MYOF: variants seen among roughly 807,000 people sequenced by gnomAD.
MYOF encodes the protein fer-1-like 3, myoferlin.
MYOF carries 244 observed loss-of-function variants against 284.2 expected under a neutral mutation model. That is an observed-to-expected ratio of 0.86 (90% CI 0.77 to 0.95). The LOEUF is 0.95. Ranked by LOEUF, MYOF falls within the 40% of genes least tolerant of loss-of-function variation. MYOF has a pLI of 0.00. For missense variants in MYOF, 2,496 were observed against 2,560.6 expected (o/e 0.97, Z 0.54); for synonymous variants, 904 against 919.7 (o/e 0.98, Z 0.31).
intron 29 of MYOF, 40 bp from the exon 30 acceptor site, chr10:93,356,888 T>A (rs1361573776): frequency 6.4e-7 from 1 of 1,570,972 alleles, no homozygotes; most frequent in Non-Finnish European, 8.7e-7. Context: ...ACGATGATGA[T>A]GATGATATTC....
chr10:93,408,612 G>A (rs1001541620), intron 7 of MYOF, among the ~76,000 whole-genome samples, 175 bp downstream of exon 7: 1 of 151,748 alleles, frequency 6.6e-6, no homozygotes, highest in African/African-American at 2.4e-5. Context: ...TTACCATGAA[G>A]CTTAAACTCC....
Position 93,392,523 on chromosome 10 carries a change from A to T in MYOF, c.1456+394T>A, listed in dbSNP as rs369415498. On this transcript the variant is annotated intron_variant, in intron 17 of 53. Coordinates refer to ENST00000359263, the MANE Select transcript of MYOF (RefSeq NM_013451.4). ...GGGTGCAAAGTAAAAAACGTTCAGT[A>T]TTTTTCAACCTAGAGATTCACGTTG... Among the ~76,000 whole-genome samples the T allele has an allele frequency of 1.1e-3, 165 of 152,304 alleles. 1 individual carries two copies. The highest frequency in any genetic ancestry group is 3.8e-3 in the African/African-American group (158 of 41,556).
chr10:93,442,682 A>T (rs2056304671), intron 3 of MYOF, among the ~76,000 whole-genome samples: 1 of 152,228 alleles, frequency 6.6e-6, no homozygotes, highest in African/African-American at 2.4e-5. Flanking sequence ...GCACAAGTAC[A>T]TGTATTTGGA....
At chr10:93,330,395 C>T (rs1218503381) in intron 43 of MYOF, among the ~76,000 whole-genome samples, 3 of 152,168 alleles carry the variant, frequency 2.0e-5, no homozygotes, top group African/African-American at 7.2e-5. Flanking sequence ...TAGGTTCCCT[C>T]CTCTGCCTCA....
chr10:93,464,369 C>T (rs1395592496), intron 1 of MYOF, among the ~76,000 whole-genome samples: 1 of 152,216 alleles, frequency 6.6e-6, no homozygotes, highest in African/African-American at 2.4e-5. Context: ...CACATGCACA[C>T]ACATCCCATT....
chr10:93,308,307 G>A (rs943343053), intron 53 of MYOF, among the ~76,000 whole-genome samples: 2 of 151,202 alleles, frequency 1.3e-5, no homozygotes, highest in African/African-American at 4.9e-5. Context: ...GACTGGGACC[G>A]AATGTGGTGG....
At chr10:93,456,083 A>G (rs891171089) in intron 2 of MYOF, among the ~76,000 whole-genome samples, 1 of 152,256 alleles carries the variant, frequency 6.6e-6, no homozygotes, top group Admixed American at 6.5e-5. Flanking sequence ...AGTCATTAAA[A>G]TACTTTTGAA....
At chr10:93,434,909 G>A (rs963150047) in intron 3 of MYOF, among the ~76,000 whole-genome samples, 2 of 152,030 alleles carry the variant, frequency 1.3e-5, no homozygotes, top group African/African-American at 4.8e-5. Context: ...TCCAAACAAG[G>A]TGAAAGCCCC....
At chr10:93,309,796 T>C (rs1303728897) in intron 53 of MYOF, among the ~76,000 whole-genome samples, 1 of 152,136 alleles carries the variant, frequency 6.6e-6, no homozygotes, top group East Asian at 1.9e-4. Flanking sequence ...CCAAAGTTAT[T>C]TTCAGATCAT....
chr10:93,393,099 A>T (rs576547274), intron 16 of MYOF, 144 bp from the exon 17 acceptor site: 1 of 691,938 alleles, frequency 1.4e-6, no homozygotes, highest in South Asian at 1.7e-5. Flanking sequence ...GTCACATATG[A>T]CCCTTTTGTA....
chr10:93,445,240 A>C (rs183087680), intron 3 of MYOF, among the ~76,000 whole-genome samples: 1 of 152,266 alleles, frequency 6.6e-6, no homozygotes, highest in Admixed American at 6.5e-5. Flanking sequence ...AGATGAGCTG[A>C]CTCTAACACA....
intron 1 of MYOF, among the ~76,000 whole-genome samples, chr10:93,475,688 A>G (rs2057244382): frequency 6.6e-6 from 1 of 152,236 alleles, no homozygotes. Flanking sequence ...CAGAGGATAT[A>G]ACAATCCCAC....
chr10:93,328,643 T>C (rs1313412986), intron 45 of MYOF, 120 bp downstream of exon 45: 6 of 1,024,176 alleles, frequency 5.9e-6, no homozygotes, highest in Non-Finnish European at 8.4e-6. Context: ...TAGTGTCACG[T>C]GCACAGTCTC....
chr10:93,405,685 T>C (rs947092097), intron 7 of MYOF, among the ~76,000 whole-genome samples: 3 of 152,242 alleles, frequency 2.0e-5, no homozygotes, highest in Non-Finnish European at 4.4e-5. Context: ...ACACAGGTGA[T>C]GTTGATTACT....
chr10:93,343,192 C>CT (rs1384592897), intron 38 of MYOF, among the ~76,000 whole-genome samples: 1 of 152,068 alleles, frequency 6.6e-6, no homozygotes, highest in Non-Finnish European at 1.5e-5. Flanking sequence ...TTGGTGTTTC[C>CT]TTTTTTCTGG....
In MYOF at chr10:93,411,810, G is replaced by C. The variant is rs527725379; in HGVS notation, c.434-2071C>G. 2.6e-5 allele frequency among the ~76,000 whole-genome samples: 4 copies of C among 152,270 alleles called. No individual in the cohort carries two copies. In the South Asian group the frequency reaches 8.3e-4, roughly 32 times the overall value. ...ATCACCTCTCTTTGCCAAGCTCCGTGCCCTTTTCTGTATCTCCATATTGGA... is the reference window on the plus strand; with the variant it reads ...ATCACCTCTCTTTGCCAAGCTCCGTCCCCTTTTCTGTATCTCCATATTGGA... On this transcript the variant is annotated intron_variant, in intron 5 of 53. Transcript: ENST00000359263.
intron 19 of MYOF, among the ~76,000 whole-genome samples, chr10:93,387,152 G>A (rs1186959101): frequency 6.6e-6 from 1 of 152,222 alleles, no homozygotes; most frequent in Non-Finnish European, 1.5e-5. Flanking sequence ...GGTTTCTGCT[G>A]TAAAGTGGTG....
At chr10:93,401,792 C>CGTGTGCGT (rs1460859631) in intron 11 of MYOF, among the ~76,000 whole-genome samples, 1 of 94,388 alleles carries the variant, frequency 1.1e-5, no homozygotes, top group African/African-American at 3.2e-5. Flanking sequence ...AGAGCCTGTG[C>CGTGTGCGT]GTGTGTGTGT....
At chr10:93,449,921 TG>T (rs1274438439) in intron 3 of MYOF, among the ~76,000 whole-genome samples, 1 of 152,182 alleles carries the variant, frequency 6.6e-6, no homozygotes, top group African/African-American at 2.4e-5. Flanking sequence ...AGTCCATGTC[TG>T]TGCAGACTCT....
Sources: allele counts gnomAD v4.1 joint callset (sites outside exome capture counted in the v4.1 genomes callset), GRCh38; gene constraint gnomAD v4.1.1; transcripts MANE v1.5; gene names NCBI Gene and HGNC (gene_info 2026-07-23, HGNC 2026-07-21).